ADGB: variants seen among roughly 807,000 people sequenced by gnomAD.
ADGB encodes the protein androglobin.
ADGB carries 172 observed loss-of-function variants against 210.5 expected under a neutral mutation model. That is an observed-to-expected ratio of 0.82 (90% CI 0.72 to 0.93). ADGB has a LOEUF of 0.93. ADGB is among the 40% of genes least tolerant of loss of function. ADGB has a pLI of 0.00. For missense variants in ADGB, 2,025 were observed against 1,964.8 expected (o/e 1.03, Z -0.58); for synonymous variants, 658 against 662.7 (o/e 0.99, Z 0.11).
intron 35 of ADGB, among the ~76,000 whole-genome samples, chr6:146,813,465 G>T (rs1001667152): frequency 2.0e-5 from 3 of 151,628 alleles, no homozygotes; most frequent in African/African-American, 7.3e-5. Flanking sequence ...TTTTTTTCTC[G>T]GTCACTTTGT....
chr6:146,709,087 G>T (rs1038235187), intron 13 of ADGB, among the ~76,000 whole-genome samples: 1 of 151,958 alleles, frequency 6.6e-6, no homozygotes, highest in Non-Finnish European at 1.5e-5. Flanking sequence ...CAATCTCTTT[G>T]TTAAATTTCT....
rs112488612 is a variant in ADGB, at chr6:146,645,298, C to G, written c.330+433C>G. 2.3e-3 allele frequency among the ~76,000 whole-genome samples: 345 copies of G among 152,086 alleles called. 4 individuals are homozygous for G. The highest frequency in any genetic ancestry group is 7.8e-3 in the African/African-American group (323 of 41,542). ...ACCTCTATTTCAGGGATTCTTGAAG[C>G]ATTTTCCAGAGAACACTTTTATTTC... On this transcript the variant is annotated intron_variant, in intron 3 of 35. Transcript: ENST00000397944.
chr6:146,775,411 T>C (rs1777708205), intron 29 of ADGB, among the ~76,000 whole-genome samples: 1 of 152,176 alleles, frequency 6.6e-6, no homozygotes, highest in African/African-American at 2.4e-5. Flanking sequence ...CTTTAGTATA[T>C]TTTAAAACCT....
intron 13 of ADGB, among the ~76,000 whole-genome samples, chr6:146,710,845 C>A (rs1235425474): frequency 6.6e-6 from 1 of 152,150 alleles, no homozygotes; most frequent in Admixed American, 6.5e-5. Flanking sequence ...TTAACTGCTT[C>A]TTCTGATACA....
intron 1 of ADGB, among the ~76,000 whole-genome samples, chr6:146,633,385 C>A (rs1583567288): frequency 6.6e-6 from 1 of 151,918 alleles, no homozygotes; most frequent in South Asian, 2.1e-4. Context: ...TCATTTTGGA[C>A]CCCTGCTCAG....
In ADGB at chr6:146,793,243, G is replaced by A. The variant is rs186580081; in HGVS notation, c.4537+4633G>A. Among the ~76,000 whole-genome samples, 406 of 152,192 alleles carry A rather than the reference G, an allele frequency of 2.7e-3. 2 individuals carry two copies. Among genetic ancestry groups the A allele is most frequent in the African/African-American group, 9.3e-3 (388 of 41,498 alleles). On this transcript the variant is annotated intron_variant, in intron 33 of 35. Coordinates refer to ENST00000397944, the MANE Select transcript of ADGB (RefSeq NM_024694.4). ...AGCACTGATTGGTGCGTTTTACAGA[G>A]CACTGATTGTTGTGTTTTACAGAGT...
intron 1 of ADGB, among the ~76,000 whole-genome samples, chr6:146,615,083 A>G (rs1213118120): frequency 6.9e-6 from 1 of 145,824 alleles, no homozygotes. Flanking sequence ...TTTTTTTTGT[A>G]TTTTTAGTAG....
At chr6:146,630,596 G>T (rs569796708) in intron 1 of ADGB, among the ~76,000 whole-genome samples, 11 of 152,208 alleles carry the variant, frequency 7.2e-5, no homozygotes, top group Non-Finnish European at 1.6e-4. Flanking sequence ...TCAGGATCCA[G>T]AAGTGAAGAG....
chr6:146,752,501 C>T (rs1386924291), intron 26 of ADGB, 29 bp from the exon 27 acceptor site: 4 of 1,432,048 alleles, frequency 2.8e-6, no homozygotes, highest in African/African-American at 1.5e-5. Flanking sequence ...AACATACTTG[C>T]TTATAATGTT....
chr6:146,742,129 AGCTCTTTCAT>A (rs1201137602), intron 25 of ADGB, among the ~76,000 whole-genome samples: 4 of 152,154 alleles, frequency 2.6e-5, no homozygotes, highest in African/African-American at 9.6e-5. Context: ...AAATCCTAAT[AGCTCTTTCAT>A]GCTGTCTTAG....
Position 146,745,917 on chromosome 6 carries a change from T to C in ADGB, c.3178-5T>C, listed in dbSNP as rs1197492744. On this transcript the variant is annotated splice_region_variant and splice_polypyrimidine_tract_variant and intron_variant, in intron 25 of 35. Coordinates refer to ENST00000397944, the MANE Select transcript of ADGB (RefSeq NM_024694.4). The stretch of plus-strand genomic sequence containing the variant: ...TCATTTCTGTGTAATTTGTCTTTCT[T>C]ATAGAAGGGATACACTTTTGTGGCG... 1.3e-6 allele frequency: 2 copies of C among 1,537,712 alleles called. No individual in the cohort carries two copies. Among genetic ancestry groups the C allele is most frequent in the African/African-American group, 2.8e-5 (2 of 72,474 alleles).
rs1218003978 is a variant in ADGB, at chr6:146,770,674, G to A, written c.3862+1543G>A. On this transcript the variant is annotated intron_variant, in intron 29 of 35. Coordinates refer to ENST00000397944, the MANE Select transcript of ADGB (RefSeq NM_024694.4). ...GGCAAGATTCTGAGGCTGTGTTCAG[G>A]CTCAACGAGAAAGTTTTGTGATGTT... 1.6e-5 allele frequency: 7 copies of A among 443,358 alleles called. No homozygotes were observed. The East Asian group carries it at 5.1e-4, about 32-fold the overall frequency. 27.5% of individuals were successfully genotyped at this position (443,358 alleles called of 1,614,324 possible). A position where few individuals can be genotyped will look rare whatever the true frequency, so the allele number is the denominator to read the frequency against.
chr6:146,644,797 A>G lies in ADGB; in HGVS notation c.262A>G (p.Lys88Glu). 1 of 1,485,436 alleles carries G rather than the reference A, an allele frequency of 6.7e-7. No individual in the cohort carries two copies. The highest frequency in any genetic ancestry group is 9.0e-7 in the Non-Finnish European group (1 of 1,116,844). The allele number at this position is 1,485,436 out of a possible 1,614,324, so 92.0% of individuals were successfully genotyped here. A position where few individuals can be genotyped will look rare whatever the true frequency, so the allele number is the denominator to read the frequency against. The change falls in exon 3 of 36, where the codon AAG becomes GAG. Residue 88 changes from lysine to glutamate, a missense_variant. Transcript: ENST00000397944. Reference protein sequence around the residue: ...VFHFFEDPEGKIELPPSLKIY... With the variant: ...VFHFFEDPEGEIELPPSLKIY... The stretch of plus-strand genomic sequence containing the variant: ...GCATTTTTTTGAGGACCCTGAAGGA[A>G]AGATTGAGTTACCACCATCCTTGAA...
intron 29 of ADGB, among the ~76,000 whole-genome samples, chr6:146,779,288 T>G (rs945487680): frequency 3.3e-5 from 5 of 152,158 alleles, no homozygotes; most frequent in Admixed American, 3.3e-4. Context: ...TCTGAGGATA[T>G]AGAATGAAGA....
chr6:146,790,381 C>T (rs988570948), intron 33 of ADGB, among the ~76,000 whole-genome samples: 4 of 152,122 alleles, frequency 2.6e-5, no homozygotes, highest in African/African-American at 9.7e-5. Context: ...AACCACCATC[C>T]TAATATCTAT....
intron 35 of ADGB, among the ~76,000 whole-genome samples, chr6:146,812,727 G>C (rs896307656): frequency 1.3e-5 from 2 of 152,212 alleles, no homozygotes; most frequent in Non-Finnish European, 2.9e-5. Context: ...TTAGGTGCTA[G>C]ATTTGGATTG....
intron 32 of ADGB, among the ~76,000 whole-genome samples, chr6:146,787,779 A>G (rs1194418608): frequency 6.6e-6 from 1 of 151,996 alleles, no homozygotes; most frequent in African/African-American, 2.4e-5. Flanking sequence ...CTTTCATTCA[A>G]TGCAGAACAT....
At chr6:146,773,233 C>G (rs957079588) in intron 29 of ADGB, among the ~76,000 whole-genome samples, 4 of 151,824 alleles carry the variant, frequency 2.6e-5, no homozygotes, top group African/African-American at 9.7e-5. Context: ...ATTACCACCT[C>G]TCTTCAAAAA....
At chr6:146,668,913 G>GATGC (rs1775971279) in intron 7 of ADGB, among the ~76,000 whole-genome samples, 1 of 152,090 alleles carries the variant, frequency 6.6e-6, no homozygotes, top group Non-Finnish European at 1.5e-5. Flanking sequence ...ACGTGTCTCT[G>GATGC]ATGCATGGTC....
Sources: allele counts gnomAD v4.1 joint callset (sites outside exome capture counted in the v4.1 genomes callset), GRCh38; gene constraint gnomAD v4.1.1; transcripts MANE v1.5; gene names NCBI Gene and HGNC (gene_info 2026-07-23, HGNC 2026-07-21).